SH3PXD2B: variants seen among roughly 807,000 people sequenced by gnomAD.
The protein encoded by SH3PXD2B is SH3 and PX domain-containing protein 2B.
SH3PXD2B carries 37 observed loss-of-function variants against 73.1 expected under a neutral mutation model. The ratio of observed to expected loss-of-function variants is 0.51; its 90% CI spans 0.39 to 0.67. The LOEUF is 0.67. Ranked by LOEUF, SH3PXD2B falls within the 30% of genes least tolerant of loss-of-function variation. The pLI is 0.00. For missense variants in SH3PXD2B, 1,053 were observed against 1,197.8 expected (o/e 0.88, Z 1.78); for synonymous variants, 457 against 480.5 (o/e 0.95, Z 0.64).
chr5:172,383,474 G>A (rs760984749), intron 4 of SH3PXD2B, among the ~76,000 whole-genome samples: 3 of 152,204 alleles, frequency 2.0e-5, no homozygotes, highest in Non-Finnish European at 4.4e-5. Context: ...CACTCTGCTC[G>A]TTGAAGGATC....
chr5:172,368,016 C>T (rs1757565856), intron 6 of SH3PXD2B, among the ~76,000 whole-genome samples: 1 of 152,210 alleles, frequency 6.6e-6, no homozygotes, highest in African/African-American at 2.4e-5. Flanking sequence ...TTTTCTGCTA[C>T]TTGCAGTCAA....
chr5:172,352,369 C>T (rs1479594325), intron 9 of SH3PXD2B, among the ~76,000 whole-genome samples: 3 of 152,058 alleles, frequency 2.0e-5, no homozygotes, highest in African/African-American at 4.8e-5. Flanking sequence ...GGACTACAGG[C>T]GTGCATCACC....
intron 4 of SH3PXD2B, 40 bp from the exon 5 acceptor site, chr5:172,382,167 G>A (rs754404596): frequency 1.3e-6 from 2 of 1,521,958 alleles, no homozygotes; most frequent in South Asian, 1.2e-5. Context: ...AGGAGGAGAG[G>A]GGGCTGAGCA....
At chr5:172,358,268 A>G (rs973160894) in intron 8 of SH3PXD2B, among the ~76,000 whole-genome samples, 2 of 152,218 alleles carry the variant, frequency 1.3e-5, no homozygotes, top group African/African-American at 4.8e-5. Context: ...GCATGGCAGG[A>G]GTCACCATTC....
chr5:172,378,769 G>A (rs1204396156), intron 5 of SH3PXD2B, among the ~76,000 whole-genome samples: 1 of 152,196 alleles, frequency 6.6e-6, no homozygotes, highest in East Asian at 1.9e-4. Context: ...ATCTTACCCA[G>A]CTTGAAAGTG....
chr5:172,329,045 A>ATG (rs1247148362), downstream of SH3PXD2B, among the ~76,000 whole-genome samples: 143 of 126,668 alleles, frequency 1.1e-3, no homozygotes, highest in Middle Eastern at 4.0e-3. Flanking sequence ...ATATATATGT[A>ATG]TGTGTGTGTG....
At chr5:172,325,192 G>A (rs1049197122) in exon 13 of SH3PXD2B, 14 of 914,312 alleles carry the variant, frequency 1.5e-5, no homozygotes, top group Middle Eastern at 2.2e-4. Flanking sequence ...TTTGTATTAC[G>A]CATATTTTAC....
chr5:172,362,671 A>G (rs1042246064), intron 7 of SH3PXD2B, 64 bp downstream of exon 7: 39 of 1,612,606 alleles, frequency 2.4e-5, no homozygotes, highest in Non-Finnish European at 3.3e-5. Context: ...GAGTTTCCAA[A>G]TGTTTCATGT....
chr5:172,384,302 T>C (rs957875207), intron 4 of SH3PXD2B, among the ~76,000 whole-genome samples: 1 of 152,230 alleles, frequency 6.6e-6, no homozygotes, highest in African/African-American at 2.4e-5. Context: ...TGGGGATATG[T>C]TGACCCTACA....
chr5:172,426,793 G>A (rs904003478), intron 1 of SH3PXD2B, among the ~76,000 whole-genome samples: 3 of 152,190 alleles, frequency 2.0e-5, no homozygotes, highest in Non-Finnish European at 4.4e-5. Flanking sequence ...GAAAGCGCCT[G>A]TCACACAGAA....
chr5:172,341,417 G>A (rs1225440732), intron 12 of SH3PXD2B, among the ~76,000 whole-genome samples: 1 of 152,140 alleles, frequency 6.6e-6, no homozygotes, highest in Non-Finnish European at 1.5e-5. Context: ...CCTTGGTAAT[G>A]AGTTCCCATG....
chr5:172,348,731 G>A (rs1414846505), intron 10 of SH3PXD2B, among the ~76,000 whole-genome samples: 1 of 149,290 alleles, frequency 6.7e-6, no homozygotes, highest in Admixed American at 6.7e-5. Flanking sequence ...TTGAGGGACA[G>A]GGTCTCGCTC....
chr5:172,425,677 G>T (rs552019288), intron 1 of SH3PXD2B, among the ~76,000 whole-genome samples: 1 of 151,840 alleles, frequency 6.6e-6, no homozygotes, highest in East Asian at 1.9e-4. Flanking sequence ...ACAGAGAAGC[G>T]TCTGGATTTC....
chr5:172,342,349 G>C (rs1756877212), intron 12 of SH3PXD2B, among the ~76,000 whole-genome samples: 1 of 152,204 alleles, frequency 6.6e-6, no homozygotes, highest in African/African-American at 2.4e-5. Context: ...TACGCATGCA[G>C]AACGGAGCCT....
At chr5:172,330,810 G>T (rs2113221620), downstream of SH3PXD2B, among the ~76,000 whole-genome samples, 1 of 152,288 alleles carries the variant, frequency 6.6e-6, no homozygotes, top group Non-Finnish European at 1.5e-5. Context: ...CCCATAAAAT[G>T]GATGTAATAT....
chr5:172,398,171 T>C (rs950184779), intron 3 of SH3PXD2B, among the ~76,000 whole-genome samples: 2 of 152,274 alleles, frequency 1.3e-5, no homozygotes, highest in African/African-American at 4.8e-5. Flanking sequence ...TTAAGGGCTA[T>C]TAACACTGTA....
intron 1 of SH3PXD2B, among the ~76,000 whole-genome samples, chr5:172,436,165 T>C (rs1759381396): frequency 6.6e-6 from 1 of 152,256 alleles, no homozygotes; most frequent in Admixed American, 6.5e-5. Context: ...CATAAGAGAC[T>C]TGCCCAGAGA....
intron 1 of SH3PXD2B, among the ~76,000 whole-genome samples, chr5:172,438,451 G>A (rs987092160): frequency 2.0e-5 from 3 of 152,216 alleles, no homozygotes; most frequent in East Asian, 3.9e-4. Flanking sequence ...GGAAATGCCC[G>A]GTAAAAGAGA....
At chr5:172,360,694 T>C (rs1241189506) in intron 7 of SH3PXD2B, among the ~76,000 whole-genome samples, 1 of 152,120 alleles carries the variant, frequency 6.6e-6, no homozygotes, top group African/African-American at 2.4e-5. Context: ...TGACCAGGCA[T>C]GGTGGCATGT....
Sources: gnomAD v4.1 joint callset for allele counts (sites outside exome capture counted in the v4.1 genomes callset) on GRCh38, gnomAD v4.1.1 for gene constraint, MANE v1.5 for transcripts, NCBI Gene and HGNC (gene_info 2026-07-23, HGNC 2026-07-21) for gene names.